RNF180: variants seen among roughly 807,000 people sequenced by gnomAD.
RNF180 encodes ring finger protein 180.
Under a neutral mutation model 59.2 loss-of-function variants are expected in RNF180, and 38 were observed. The observed-to-expected ratio is 0.64, with a 90% CI of 0.50 to 0.84. RNF180 has a LOEUF of 0.84. Among genes scored for constraint, RNF180 ranks in the 40% least tolerant of loss-of-function variants. The pLI is 0.00. For missense variants in RNF180, 705 were observed against 700.9 expected, an observed-to-expected ratio of 1.01 and a Z score of -0.07; for synonymous variants, 262 against 240.3, an observed-to-expected ratio of 1.09 and a Z score of -0.84.
intron 7 of RNF180, among the ~76,000 whole-genome samples, chr5:64,341,683 C>G (rs1561271743): frequency 1.3e-5 from 2 of 152,048 alleles, no homozygotes; most frequent in Admixed American, 1.3e-4. Flanking sequence ...ATTCTACAAT[C>G]ATGAAGAGTA....
intron 1 of RNF180, among the ~76,000 whole-genome samples, chr5:64,170,300 T>G (rs1018156174): frequency 6.6e-6 from 1 of 152,242 alleles, no homozygotes; most frequent in Non-Finnish European, 1.5e-5. Context: ...TCCTGTCTTA[T>G]GATACACTCA....
intron 1 of RNF180, among the ~76,000 whole-genome samples, chr5:64,174,778 A>G (rs906905333): frequency 6.6e-6 from 1 of 152,064 alleles, no homozygotes. Context: ...TTTGGTGTGC[A>G]GAAACTTTTT....
intron 7 of RNF180, among the ~76,000 whole-genome samples, chr5:64,336,864 C>T (rs900359533): frequency 2.0e-5 from 3 of 151,920 alleles, no homozygotes; most frequent in Non-Finnish European, 4.4e-5. Flanking sequence ...TATTGTTTGT[C>T]CATGGTATCT....
chr5:64,183,874 A>G (rs971950582), intron 1 of RNF180, among the ~76,000 whole-genome samples: 1 of 152,232 alleles, frequency 6.6e-6, no homozygotes, highest in Non-Finnish European at 1.5e-5. Context: ...ATCAGTCTCT[A>G]TAATAGCTTT....
chr5:64,206,039 C>T (rs1319449113), intron 2 of RNF180, among the ~76,000 whole-genome samples: 1 of 152,082 alleles, frequency 6.6e-6, no homozygotes, highest in Non-Finnish European at 1.5e-5. Flanking sequence ...CAGACATTTC[C>T]TTCAGTGTGC....
At chr5:64,198,155 ATTAT>A (rs1751549456) in intron 1 of RNF180, among the ~76,000 whole-genome samples, 1 of 152,220 alleles carries the variant, frequency 6.6e-6, no homozygotes, top group South Asian at 2.1e-4. Flanking sequence ...TATTAAAAGT[ATTAT>A]TTCAACATGT....
chr5:64,235,606 G>T (rs554916322), intron 5 of RNF180, among the ~76,000 whole-genome samples: 1 of 151,364 alleles, frequency 6.6e-6, no homozygotes, highest in Non-Finnish European at 1.5e-5. Flanking sequence ...AGACAACACC[G>T]TATTGAAGTT....
chr5:64,312,045 C>A (rs1278367007), intron 5 of RNF180, among the ~76,000 whole-genome samples: 2 of 151,980 alleles, frequency 1.3e-5, no homozygotes, highest in Non-Finnish European at 2.9e-5. Flanking sequence ...GAGAATGAAG[C>A]TGCTAGGCAT....
At chr5:64,349,668 A>G (rs1235527087) in intron 7 of RNF180, among the ~76,000 whole-genome samples, 1 of 151,552 alleles carries the variant, frequency 6.6e-6, no homozygotes, top group African/African-American at 2.4e-5. Flanking sequence ...GTTGCCACCT[A>G]TGAGTGAGAA....
intron 2 of RNF180, among the ~76,000 whole-genome samples, chr5:64,204,321 G>A (rs1751908926): frequency 6.6e-6 from 1 of 152,066 alleles, no homozygotes; most frequent in Non-Finnish European, 1.5e-5. Context: ...GCACACATTG[G>A]CATTAGTATT....
intron 5 of RNF180, among the ~76,000 whole-genome samples, chr5:64,231,717 G>T (rs1424520044): frequency 2.6e-5 from 4 of 152,178 alleles, no homozygotes; most frequent in Non-Finnish European, 4.4e-5. Flanking sequence ...TGCTGTACCA[G>T]CAATCTCTGG....
chr5:64,312,111 T>C (rs1392729163), intron 5 of RNF180, among the ~76,000 whole-genome samples: 1 of 152,038 alleles, frequency 6.6e-6, no homozygotes, highest in Non-Finnish European at 1.5e-5. Flanking sequence ...TTCTTAGAGA[T>C]GTCCTTTAGG....
intron 1 of RNF180, among the ~76,000 whole-genome samples, chr5:64,199,930 T>C (rs1475584747): frequency 6.6e-6 from 1 of 152,176 alleles, no homozygotes; most frequent in Non-Finnish European, 1.5e-5. Flanking sequence ...ATACAAGATG[T>C]AGTATATAGT....
intron 7 of RNF180, among the ~76,000 whole-genome samples, chr5:64,334,402 G>T (rs1745036125): frequency 6.6e-6 from 1 of 152,136 alleles, no homozygotes; most frequent in South Asian, 2.1e-4. Context: ...TGCACTGGTT[G>T]TACAACAAAT....
chr5:64,365,130 G>A (rs114241208), intron 7 of RNF180, among the ~76,000 whole-genome samples: 245 of 151,616 alleles, frequency 1.6e-3, no homozygotes, highest in Non-Finnish European at 3.1e-3. Flanking sequence ...TGCTTCTCTA[G>A]TTGTAATGTT....
chr5:64,173,373 A>G (rs902553263), intron 1 of RNF180, among the ~76,000 whole-genome samples: 1 of 152,126 alleles, frequency 6.6e-6, no homozygotes, highest in African/African-American at 2.4e-5. Flanking sequence ...TATATTGTAC[A>G]TATTTGGGGG....
chr5:64,247,463 C>T (rs912118058), intron 5 of RNF180, among the ~76,000 whole-genome samples: 5 of 152,090 alleles, frequency 3.3e-5, no homozygotes, highest in African/African-American at 1.2e-4. Context: ...TTCCTATACA[C>T]CAATAATAGA....
At chr5:64,285,036 T>C (rs535708090) in intron 5 of RNF180, among the ~76,000 whole-genome samples, 1 of 152,322 alleles carries the variant, frequency 6.6e-6, no homozygotes, top group Admixed American at 6.5e-5. Flanking sequence ...GATCATGGCA[T>C]ATGGTGGGTT....
chr5:64,192,940 A>ATATATATATATATATAT (rs1561179048), intron 1 of RNF180, among the ~76,000 whole-genome samples: 6 of 70,018 alleles, frequency 8.6e-5, no homozygotes, highest in East Asian at 6.0e-4. Context: ...TATATATATA[A>ATATATATATATATATAT]AATGAAACAT....
Sources: gnomAD v4.1 joint callset for allele counts (sites outside exome capture counted in the v4.1 genomes callset) on GRCh38, gnomAD v4.1.1 for gene constraint, MANE v1.5 for transcripts, NCBI Gene and HGNC (gene_info 2026-07-23, HGNC 2026-07-21) for gene names.